The following GABBR2 variants were observed in gnomAD, a reference collection of about 807,000 sequenced individuals.
GABBR2 encodes gamma-aminobutyric acid type B receptor subunit 2.
GABBR2 carries 23 observed loss-of-function variants against 105.6 expected under a neutral mutation model. That is an observed-to-expected ratio of 0.22 (90% confidence interval 0.16 to 0.31). The LOEUF (loss-of-function observed/expected upper bound fraction) is 0.31. Among genes scored for constraint, GABBR2 ranks in the 10% least tolerant of loss-of-function variants. The pLI, the probability that GABBR2 is intolerant of heterozygous loss-of-function variation, is 1.00. For missense variants in GABBR2, 734 were observed against 1,245.5 expected, an observed-to-expected ratio of 0.59 and a Z score of 6.18; for synonymous variants, 478 against 499.7, an observed-to-expected ratio of 0.96 and a Z score of 0.58.
intron 7 of GABBR2, among the ~76,000 whole-genome samples, chr9:98,426,660 A>T (rs1403838730): frequency 3.3e-5 from 5 of 152,188 alleles, no homozygotes. Flanking sequence ...TCATGGACTA[A>T]GCCTAAAAAT....
chr9:98,511,072 A>C (rs1827631003), intron 3 of GABBR2, among the ~76,000 whole-genome samples: 1 of 152,386 alleles, frequency 6.6e-6, no homozygotes, highest in African/African-American at 2.4e-5. Context: ...ACCACAGTGC[A>C]ATCAAACTAG....
intron 7 of GABBR2, among the ~76,000 whole-genome samples, chr9:98,431,650 A>G (rs1339208491): frequency 6.6e-6 from 1 of 151,894 alleles, no homozygotes; most frequent in African/African-American, 2.4e-5. Context: ...GCTATATCCT[A>G]CAGGCAGTGG....
At chr9:98,644,189 C>T (rs148914075) in intron 1 of GABBR2, among the ~76,000 whole-genome samples, 163 of 152,306 alleles carry the variant, frequency 1.1e-3, no homozygotes, top group Middle Eastern at 3.4e-3. Flanking sequence ...GTGGTGCAGA[C>T]GCCACCCAAA....
intron 1 of GABBR2, among the ~76,000 whole-genome samples, chr9:98,619,396 C>A (rs1829637567): frequency 6.6e-6 from 1 of 152,014 alleles, no homozygotes; most frequent in Non-Finnish European, 1.5e-5. Flanking sequence ...TTAAGTACAG[C>A]CCAGAAAGAG....
intron 4 of GABBR2, among the ~76,000 whole-genome samples, chr9:98,490,098 GC>G (rs1827145507): frequency 2.0e-5 from 3 of 152,172 alleles, no homozygotes; most frequent in Non-Finnish European, 4.4e-5. Flanking sequence ...TACACGCAAA[GC>G]CCCTGTTCTG....
chr9:98,311,250 C>A, intron 13 of GABBR2, 45 bp from the exon 14 acceptor site: 1 of 1,176,532 alleles, frequency 8.5e-7, no homozygotes, highest in South Asian at 1.2e-5. Context: ...ACAGGACACT[C>A]TTCCAGCAAC....
In GABBR2 at chr9:98,298,041, T is replaced by TAAA. The variant is rs34384818; in HGVS notation, c.2542+1180_2542+1182dup. ...TGGGTGACAGAGTGAGACTCCATCTTAAAAAAAAAAAAAAAAAAGTAATGT... is the reference window on the plus strand; with the variant it reads ...TGGGTGACAGAGTGAGACTCCATCTTAAAAAAAAAAAAAAAAAAAAAGTAATGT... On this transcript the variant is annotated intron_variant, in intron 17 of 18. Coordinates refer to ENST00000259455, the MANE Select transcript of GABBR2 (RefSeq NM_005458.8). Among the ~76,000 whole-genome samples, 295 of 133,518 alleles carry TAAA rather than the reference T, an allele frequency of 2.2e-3. 4 individuals carry two copies. The East Asian group carries it at 0.031, about 14-fold the overall frequency. The allele number at this position is 133,518 out of a possible 152,430, so 87.6% of individuals were successfully genotyped here. A position where few individuals can be genotyped will look rare whatever the true frequency, so the allele number is the denominator to read the frequency against.
intron 13 of GABBR2, among the ~76,000 whole-genome samples, chr9:98,353,281 T>A (rs932828179): frequency 7.0e-4 from 107 of 152,318 alleles, no homozygotes; most frequent in African/African-American, 2.6e-3. Flanking sequence ...AGCAATCCAG[T>A]CACATCTTTA....
At chr9:98,531,228 G>A (rs756744539) in intron 3 of GABBR2, among the ~76,000 whole-genome samples, 1 of 152,150 alleles carries the variant, frequency 6.6e-6, no homozygotes, top group Non-Finnish European at 1.5e-5. Context: ...ACAGACCCAC[G>A]GCCAGTCACC....
At chr9:98,574,681 G>A (rs1235047973) in intron 2 of GABBR2, among the ~76,000 whole-genome samples, 1 of 152,186 alleles carries the variant, frequency 6.6e-6, no homozygotes, top group African/African-American at 2.4e-5. Flanking sequence ...TTGTAACCCA[G>A]TTCTATGTCT....
At chr9:98,599,624 T>C (rs932531189) in intron 1 of GABBR2, among the ~76,000 whole-genome samples, 2 of 152,252 alleles carry the variant, frequency 1.3e-5, no homozygotes, top group African/African-American at 2.4e-5. Context: ...CTACGGAGCA[T>C]GTGGCCCCAG....
intron 6 of GABBR2, among the ~76,000 whole-genome samples, chr9:98,469,624 G>A (rs377340220): frequency 6.6e-6 from 1 of 152,188 alleles, no homozygotes; most frequent in African/African-American, 2.4e-5. Flanking sequence ...TATCCTGAGA[G>A]CCTTAAGTTA....
chr9:98,492,349 T>TTAAA (rs752135873), intron 4 of GABBR2, among the ~76,000 whole-genome samples: 3 of 29,220 alleles, frequency 1.0e-4, no homozygotes, highest in South Asian at 6.9e-3. Context: ...TGTTTCCTAG[T>TTAAA]AAAAAAAAAA....
intron 7 of GABBR2, among the ~76,000 whole-genome samples, chr9:98,419,408 G>T (rs779479585): frequency 6.4e-4 from 97 of 152,174 alleles, no homozygotes; most frequent in Non-Finnish European, 9.9e-4. Flanking sequence ...TCCTGGTGGG[G>T]AAGAAAGAAC....
intron 2 of GABBR2, among the ~76,000 whole-genome samples, chr9:98,564,909 C>T (rs1807323830): frequency 6.6e-6 from 1 of 152,048 alleles, no homozygotes; most frequent in Admixed American, 6.6e-5. Context: ...GACTAGGAAG[C>T]CTTCCTGGAG....
intron 7 of GABBR2, among the ~76,000 whole-genome samples, chr9:98,449,317 T>C (rs1345885094): frequency 6.6e-6 from 1 of 152,254 alleles, no homozygotes; most frequent in Non-Finnish European, 1.5e-5. Flanking sequence ...CCCACTGCTA[T>C]TGAATGAGGG....
intron 7 of GABBR2, among the ~76,000 whole-genome samples, chr9:98,409,560 C>T (rs936691011): frequency 6.6e-6 from 1 of 152,186 alleles, no homozygotes; most frequent in Non-Finnish European, 1.5e-5. Context: ...AGACACCCCA[C>T]CCAGGATGGA....
At position 98,306,012 on chromosome 9, in the gene GABBR2, T is replaced by TAAA. The variant is rs201591964; in HGVS notation, c.2229+106_2229+108dup. On this transcript the variant is annotated intron_variant, in intron 15 of 18. Transcript: ENST00000259455. The surrounding 1 kb of genome is among the most constrained non-coding windows in gnomAD (Gnocchi z 5.4). ...TCTATAATGTGAATTGTCTTCATCATAAAAAAAAAAAGGAATGGGTAAACC... is the reference window on the plus strand; with the variant it reads ...TCTATAATGTGAATTGTCTTCATCATAAAAAAAAAAAAAAGGAATGGGTAAACC... 18 of 559,916 alleles carry TAAA rather than the reference T, an allele frequency of 3.2e-5. No homozygotes were observed. Among genetic ancestry groups the TAAA allele is most frequent in the African/African-American group, 3.2e-4 (16 of 50,296 alleles). 34.7% of individuals were successfully genotyped at this position (559,916 alleles called of 1,614,324 possible). A position where few individuals can be genotyped will look rare whatever the true frequency, so the allele number is the denominator to read the frequency against.
At chr9:98,356,047 T>C (rs1831477809) in intron 13 of GABBR2, among the ~76,000 whole-genome samples, 2 of 152,136 alleles carry the variant, frequency 1.3e-5, no homozygotes, top group African/African-American at 2.4e-5. Context: ...TTTCACAAAA[T>C]TTTACTCAAA....
Sources: gnomAD v4.1 joint callset for allele counts (sites outside exome capture counted in the v4.1 genomes callset) on GRCh38, gnomAD v4.1.1 for gene constraint, Gnocchi (gnomAD v3.1) non-coding constraint, MANE v1.5 for transcripts, NCBI Gene and HGNC (gene_info 2026-07-23, HGNC 2026-07-21) for gene names.